The following KLF10 variants were observed in gnomAD, a reference collection of about 807,000 sequenced individuals.
The protein encoded by KLF10 is Krueppel-like factor 10.
KLF10 carries 17 observed loss-of-function variants against 31.6 expected under a neutral mutation model. The observed-to-expected ratio is 0.54, with a 90% CI of 0.37 to 0.81. The LOEUF (loss-of-function observed/expected upper bound fraction) is 0.81, where lower values mean the gene tolerates loss of function less well. Ranked by LOEUF, KLF10 falls within the 30% of genes least tolerant of loss-of-function variation. KLF10 has a pLI of 0.00. For missense variants in KLF10, 525 were observed against 598.1 expected (o/e 0.88, Z 1.27); for synonymous variants, 239 against 215.1 (o/e 1.11, Z -0.97).
chr8:102,655,714 A>C lies in KLF10; in HGVS notation c.-113T>G. On this transcript the variant is annotated 5_prime_UTR_variant, in exon 1 of 4. Transcript: ENST00000285407. ...CGCCGCTCCCGCCGCCGCCGCGCTCAGCGCCGTCTGCCCCCTCCCCATTCA... is the reference window on the plus strand; with the variant it reads ...CGCCGCTCCCGCCGCCGCCGCGCTCCGCGCCGTCTGCCCCCTCCCCATTCA... 1 of 1,254,924 alleles carries C rather than the reference A, an allele frequency of 8.0e-7. No individual in the cohort carries two copies. The highest frequency in any genetic ancestry group is 1.3e-5 in the South Asian group (1 of 77,496). The allele number at this position is 1,254,924 out of a possible 1,614,324, so 77.7% of individuals were successfully genotyped here.
In KLF10 at chr8:102,651,338, G is replaced by C. The variant is rs147895737; in HGVS notation, c.994C>G (p.Pro332Ala). 8 of 1,597,246 alleles carry C rather than the reference G, an allele frequency of 5.0e-6. No homozygotes were observed. The African/African-American group carries it at 1.1e-4, about 21-fold the overall frequency. ...PQPVVQSSKP[P>A]VVSPNGTRLS... The stretch of plus-strand genomic sequence containing the variant: ...CTGGTGCCATTCGGGCTCACCACCG[G>C]AGGCTTTGAACTCTGCACAACGGGC... Residue 332 changes from proline (P) to alanine (A), a missense_variant, in exon 3 of 4, where the codon CCG becomes GCG. Physicochemically the swap from Pro to Ala is conservative, Grantham distance 27. This residue lies in a region of KLF10 where 434 missense variants were observed against 450.7 expected (regional missense o/e 0.96). Transcript: ENST00000285407.
At position 102,649,299 on chromosome 8, in the gene KLF10, T is replaced by A. The variant is rs1029380634; in HGVS notation, c.*833A>T. 1.3e-5 allele frequency: 2 copies of A among 152,262 alleles called. No individual in the cohort carries two copies. Among genetic ancestry groups the A allele is most frequent in the African/African-American group, 4.8e-5 (2 of 41,474 alleles). 9.4% of individuals were successfully genotyped at this position (152,262 alleles called of 1,614,324 possible). ...TCCCTTCTTTACAATATATATTTCA[T>A]CTTCAGTTTTTTTTCTAAACAAAGT... On this transcript the variant is annotated 3_prime_UTR_variant, in exon 4 of 4. Coordinates refer to ENST00000285407, the MANE Select transcript of KLF10 (RefSeq NM_005655.4).
Position 102,651,319 on chromosome 8 carries a change from C to T in KLF10, c.1013G>A (p.Gly338Asp), listed in dbSNP as rs777838088. 6.3e-7 allele frequency: 1 copy of T among 1,599,282 alleles called. No homozygotes were observed. The highest frequency in any genetic ancestry group is 8.5e-7 in the Non-Finnish European group (1 of 1,173,352). Reference protein sequence around the residue: ...SSKPPVVSPNGTRLSPIAPAP... With the variant: ...SSKPPVVSPNDTRLSPIAPAP... ...AGGGGCAATGGGAGAGAGTCTGGTG[C>T]CATTCGGGCTCACCACCGGAGGCTT... Residue 338 changes from glycine (G) to aspartate (D), a missense_variant, in exon 3 of 4, where the codon GGC becomes GAC. Gly to Asp is a moderately conservative substitution (Grantham distance 94). This residue lies in a region of KLF10 where 434 missense variants were observed against 450.7 expected (regional missense o/e 0.96). Coordinates refer to ENST00000285407, the MANE Select transcript of KLF10 (RefSeq NM_005655.4).
chr8:102,651,176 G>A lies in KLF10; in HGVS notation c.1156C>T (p.Leu386=). ...CGKTYFKSSH[L]KAHTRTHTGE... is the part of the protein sequence containing the mutation. ...GTGTGCGTCCTCGTGTGGGCCTTCA[G>A]ATGGGAACTTTTAAAGTATGTCTTG... Residue 386 remains leucine, a synonymous_variant, in exon 3 of 4, where the codon CTG becomes TTG. Transcript: ENST00000285407. 1 of 1,512,844 alleles carries A rather than the reference G, an allele frequency of 6.6e-7. No homozygotes were observed. The highest frequency in any genetic ancestry group is 8.9e-7 in the Non-Finnish European group (1 of 1,129,710). 93.7% of individuals were successfully genotyped at this position (1,512,844 alleles called of 1,614,324 possible). A position where few individuals can be genotyped will look rare whatever the true frequency, so the allele number is the denominator to read the frequency against.
At chr8:102,653,743 G>T in intron 1 of KLF10, 1 of 1,148,072 alleles carries the variant, frequency 8.7e-7, no homozygotes, top group Non-Finnish European at 1.1e-6. Context: ...AGACGCCAAT[G>T]CAAAAAAAGG....
chr8:102,651,628 G>A lies in KLF10; in HGVS notation c.704C>T (p.Ser235Phe). ...SAALYDFSVP[S>F]SETVICRSQP... ...AGACCTGCAGATGACCGTCTCTGAGGAAGGCACAGAAAAGTCATAAAGTGC... is the reference window on the plus strand; with the variant it reads ...AGACCTGCAGATGACCGTCTCTGAGAAAGGCACAGAAAAGTCATAAAGTGC... Residue 235 changes from serine to phenylalanine, a missense_variant, in exon 3 of 4, where the codon TCC becomes TTC. By Grantham distance (155) the Ser-to-Phe change is radical. Transcript: ENST00000285407. 6 of 1,614,260 alleles carry A rather than the reference G, an allele frequency of 3.7e-6. No homozygotes were observed. The highest frequency in any genetic ancestry group is 2.2e-5 in the South Asian group (2 of 91,090).
rs1024244889 is a variant in KLF10, at chr8:102,655,556, A to T, written c.36+10T>A. On this transcript the variant is annotated intron_variant, in intron 1 of 3. Transcript: ENST00000285407. Reference sequence around the variant, plus strand: ...GCGAGGAAGCACAGGGGCATCCCCAAATGACTTACCGCAGTCTGCTGGAGA... The same window carrying T: ...GCGAGGAAGCACAGGGGCATCCCCATATGACTTACCGCAGTCTGCTGGAGA... The T allele has an allele frequency of 6.2e-7, 1 of 1,613,980 alleles. No homozygotes were observed. The highest frequency in any genetic ancestry group is 2.2e-5 in the East Asian group (1 of 44,844).
At position 102,650,382 on chromosome 8, in the gene KLF10, G is replaced by C; in HGVS notation, c.1193C>G (p.Pro398Arg). Reference protein sequence around the residue: ...AHTRTHTGEKPFSCSWKGCER... With the variant: ...AHTRTHTGEKRFSCSWKGCER... ...ACAACCTTTCCAGCTACAGCTGAAA[G>C]GCTTTTCTCCTAAAACAAAGACATA... Residue 398 changes from proline (P) to arginine (R), a missense_variant, in exon 4 of 4, where the codon CCT (proline) becomes CGT (arginine). Coordinates refer to ENST00000285407, the MANE Select transcript of KLF10 (RefSeq NM_005655.4). 1 of 1,612,576 alleles carries C rather than the reference G, an allele frequency of 6.2e-7. No individual in the cohort carries two copies. The highest frequency in any genetic ancestry group is 8.5e-7 in the Non-Finnish European group (1 of 1,178,768).
rs1190022102 is a variant in KLF10, at chr8:102,655,326, T to G, written c.36+240A>C. 9.9e-5 allele frequency among the ~76,000 whole-genome samples: 15 copies of G among 151,538 alleles called. 1 individual carries two copies. Among genetic ancestry groups the G allele is most frequent in the Non-Finnish European group, 5.9e-5 (4 of 67,912 alleles). On this transcript the variant is annotated intron_variant, in intron 1 of 3. Transcript: ENST00000285407. Reference sequence around the variant, plus strand: ...AGTTGTCCCTTCCCCTCAGTACATCTAGAGCAAGACCCCTGTCCCTGTCTG... The same window carrying G: ...AGTTGTCCCTTCCCCTCAGTACATCGAGAGCAAGACCCCTGTCCCTGTCTG...
intron 1 of KLF10, 88 bp from the exon 2 acceptor site, chr8:102,652,485 T>TTTTTTTTG: frequency 1.3e-6 from 1 of 751,540 alleles, no homozygotes; most frequent in Non-Finnish European, 2.1e-6. Flanking sequence ...TTTTTTTTTT[T>TTTTTTTTG]TTTTTACAAC....
chr8:102,654,803 C>G (rs1217431540), intron 1 of KLF10, among the ~76,000 whole-genome samples: 1 of 151,940 alleles, frequency 6.6e-6, no homozygotes, highest in East Asian at 1.9e-4. Flanking sequence ...TGCTGGGTCC[C>G]GCTTCCCACC....
In KLF10 at chr8:102,651,731, G is replaced by C. The variant is rs1347602560; in HGVS notation, c.601C>G (p.Pro201Ala). 1.2e-6 allele frequency: 2 copies of C among 1,614,122 alleles called. No homozygotes were observed. Among genetic ancestry groups the C allele is most frequent in the Non-Finnish European group, 1.7e-6 (2 of 1,180,048 alleles). ...LNVEAARKNI[P>A]CAAVSPNRSK... ...CTGTTTGGTGACACAGCGGCACATG[G>C]TATGTTCTTTCTTGCAGCCTCAACA... The change falls in exon 3 of 4, where the codon CCA (proline) becomes GCA (alanine). Residue 201 changes from proline to alanine, a missense_variant. Pro to Ala is a conservative substitution (Grantham distance 27, BLOSUM62 -1). Transcript: ENST00000285407.
intron 1 of KLF10, chr8:102,653,413 C>T: frequency 1.4e-6 from 2 of 1,427,746 alleles, no homozygotes; most frequent in South Asian, 2.8e-5. Flanking sequence ...GTAGAACTAC[C>T]TAATGTTTTA....
rs528600153 is a variant in KLF10 at position 102,655,219 on chromosome 8, C to T, written c.36+347G>A. ...CTCGTTCCACACTGTACCCCAACCT[C>T]GCTGCAGGGCAACGGCCCCCTCCCC... On this transcript the variant is annotated intron_variant, in intron 1 of 3. Coordinates refer to ENST00000285407, the MANE Select transcript of KLF10 (RefSeq NM_005655.4). Among the ~76,000 whole-genome samples the T allele has an allele frequency of 4.6e-5, 7 of 152,270 alleles. No homozygotes were observed. The East Asian group carries it at 1.4e-3, about 29-fold the overall frequency.
intron 1 of KLF10, chr8:102,653,851 A>T: frequency 1.0e-6 from 1 of 971,756 alleles, no homozygotes; most frequent in Non-Finnish European, 1.2e-6. Flanking sequence ...GCGAGGCAGG[A>T]AAGGGAAGCG....
chr8:102,649,853 C>T lies in KLF10; in HGVS notation c.*279G>A. ...CACACAGATTCAAAATCTGTGCTAC[C>T]TGTGTTGACCTCATCTGAAACCTTC... On this transcript the variant is annotated 3_prime_UTR_variant, in exon 4 of 4. Coordinates refer to ENST00000285407, the MANE Select transcript of KLF10 (RefSeq NM_005655.4). 8.8e-6 allele frequency: 4 copies of T among 452,324 alleles called. No individual in the cohort carries two copies. Among genetic ancestry groups the T allele is most frequent in the South Asian group, 3.3e-5 (1 of 30,356 alleles). 28.0% of individuals were successfully genotyped at this position (452,324 alleles called of 1,614,324 possible).
In KLF10 at chr8:102,651,493, G is replaced by A; in HGVS notation, c.839C>T (p.Pro280Leu). Residue 280 changes from proline to leucine, a missense_variant, in exon 3 of 4, where the codon CCT (proline) becomes CTT (leucine). Around this residue, in one of 3 missense-constraint regions of KLF10, gnomAD observed 434 missense variants for 450.7 expected, o/e 0.96. Coordinates refer to ENST00000285407, the MANE Select transcript of KLF10 (RefSeq NM_005655.4). ...MPVICQMVPLPANNPVVTTVV... is the reference protein window; with the variant it reads ...MPVICQMVPLLANNPVVTTVV... ...TGTTGTCACAACAGGGTTGTTGGCA[G>A]GAAGGGGAACCATCTGGCAGATGAC... 1 of 1,613,914 alleles carries A rather than the reference G, an allele frequency of 6.2e-7. No individual in the cohort carries two copies. The highest frequency in any genetic ancestry group is 8.5e-7 in the Non-Finnish European group (1 of 1,179,876).
In KLF10 at chr8:102,652,025, G is replaced by A. The variant is rs1554691558; in HGVS notation, c.307C>T (p.Pro103Ser). The A allele has an allele frequency of 1.2e-6, 2 of 1,611,480 alleles. No homozygotes were observed. The highest frequency in any genetic ancestry group is 1.7e-6 in the Non-Finnish European group (2 of 1,179,014). ...GCCATCAGATTTGACACTTGAGAGG[G>A]TTCAAAGTCAGAAGGACTGTAAGGT... ...TPPYSPSDFE[P>S]SQVSNLMAPA... is the part of the protein sequence containing the mutation. The change falls in exon 3 of 4, where the codon CCC (proline) becomes TCC (serine). Residue 103 changes from proline (P) to serine (S), a missense_variant. This residue lies in a region of KLF10 where 434 missense variants were observed against 450.7 expected (regional missense o/e 0.96). Coordinates refer to ENST00000285407, the MANE Select transcript of KLF10 (RefSeq NM_005655.4).
intron 3 of KLF10, 128 bp from the exon 4 acceptor site, chr8:102,650,519 G>C (rs529829177): frequency 1.0e-6 from 1 of 956,130 alleles, no homozygotes; most frequent in South Asian, 1.7e-5. Flanking sequence ...ACTGTCAAAT[G>C]AATATGAGAT....
Sources: allele counts gnomAD v4.1 joint callset (sites outside exome capture counted in the v4.1 genomes callset), GRCh38; gene constraint gnomAD v4.1.1; regional missense constraint gnomAD v4.1.1; transcripts MANE v1.5; gene names NCBI Gene and HGNC (gene_info 2026-07-23, HGNC 2026-07-21).